The following RBMS1 variants were observed in gnomAD, a reference collection of about 807,000 sequenced individuals.
RBMS1 encodes the protein RNA binding motif single stranded interacting protein 1.
Under a neutral mutation model 62.3 loss-of-function variants are expected in RBMS1, and 17 were observed. The observed-to-expected ratio is 0.27, with a 90% confidence interval of 0.19 to 0.41. The LOEUF (loss-of-function observed/expected upper bound fraction) is 0.41, where lower values mean the gene tolerates loss of function less well. Ranked by LOEUF, RBMS1 falls within the 10% of genes least tolerant of loss-of-function variation. The pLI is 1.00. For synonymous variants in RBMS1, 172 were observed against 170.0 expected, an observed-to-expected ratio of 1.01 and a Z score of -0.09; for missense variants, 334 against 504.5, an observed-to-expected ratio of 0.66 and a Z score of 3.24.
chr2:160,355,640 C>G (rs957144579), intron 2 of RBMS1, among the ~76,000 whole-genome samples: 2 of 152,010 alleles, frequency 1.3e-5, no homozygotes. Flanking sequence ...AGATTCCCCC[C>G]ATCATGGCAT....
chr2:160,400,079 C>T (rs1695356587), intron 1 of RBMS1, among the ~76,000 whole-genome samples: 1 of 152,190 alleles, frequency 6.6e-6, no homozygotes, highest in Non-Finnish European at 1.5e-5. Context: ...TGGAGCTTTG[C>T]AGCCTCTGCA....
At chr2:160,386,170 T>C (rs1694563133) in intron 1 of RBMS1, among the ~76,000 whole-genome samples, 1 of 152,236 alleles carries the variant, frequency 6.6e-6, no homozygotes, top group South Asian at 2.1e-4. Flanking sequence ...TCAAACCAAA[T>C]ACTTTGAATT....
intron 6 of RBMS1, among the ~76,000 whole-genome samples, 190 bp from the exon 7 acceptor site, chr2:160,287,274 G>A (rs1264948613): frequency 2.6e-5 from 4 of 152,136 alleles, no homozygotes; most frequent in African/African-American, 9.7e-5. Context: ...AAACATACTA[G>A]TTATTATTTC....
chr2:160,351,175 G>A (rs1283747754), intron 2 of RBMS1, among the ~76,000 whole-genome samples: 2 of 149,984 alleles, frequency 1.3e-5, no homozygotes, highest in Admixed American at 6.7e-5. Flanking sequence ...GGGGCCTGTC[G>A]TGGGGTAGGG....
chr2:160,412,327 G>A (rs1029051319), intron 1 of RBMS1, among the ~76,000 whole-genome samples: 3 of 152,102 alleles, frequency 2.0e-5, no homozygotes, highest in African/African-American at 4.8e-5. Flanking sequence ...AACCTTTCAC[G>A]TCTCATTTAA....
intron 1 of RBMS1, among the ~76,000 whole-genome samples, chr2:160,472,653 G>C (rs564060632): frequency 6.6e-6 from 1 of 152,254 alleles, no homozygotes; most frequent in African/African-American, 2.4e-5. Context: ...AATTCACTTT[G>C]TAATTAAATA....
At chr2:160,469,217 T>C (rs1424317816) in intron 1 of RBMS1, among the ~76,000 whole-genome samples, 1 of 152,216 alleles carries the variant, frequency 6.6e-6, no homozygotes, top group Non-Finnish European at 1.5e-5. Context: ...GTCTGGCTCA[T>C]CTTTACACAT....
chr2:160,382,837 TTTAC>T (rs1406509497), intron 1 of RBMS1, among the ~76,000 whole-genome samples: 1 of 151,310 alleles, frequency 6.6e-6, no homozygotes, highest in Non-Finnish European at 1.5e-5. Flanking sequence ...ACTAACGTAG[TTTAC>T]TTAATTTTTT....
intron 2 of RBMS1, among the ~76,000 whole-genome samples, chr2:160,364,122 C>T (rs776414415): frequency 1.2e-4 from 19 of 152,276 alleles, no homozygotes; most frequent in Admixed American, 5.2e-4. Flanking sequence ...CAGATAAGCA[C>T]GGTCAAGCAG....
At position 160,323,622 on chromosome 2, in the gene RBMS1, A is replaced by AAC. The variant is rs1395150573; in HGVS notation, c.252-5396_252-5395insGT. Among the ~76,000 whole-genome samples the AAC allele has an allele frequency of 6.0e-5, 9 of 151,226 alleles. No individual in the cohort carries two copies. The East Asian group carries it at 1.2e-3, about 20-fold the overall frequency. On this transcript the variant is annotated intron_variant, in intron 2 of 13. Coordinates refer to ENST00000348849, the MANE Select transcript of RBMS1 (RefSeq NM_016836.4). ...TAGAATTTCATGAAAGAAAAAAAAAAAAAAAAAAACTGTGACTATGAAGAT... is the reference window on the plus strand; with the variant it reads ...TAGAATTTCATGAAAGAAAAAAAAAAACAAAAAAAAACTGTGACTATGAAGAT...
intron 2 of RBMS1, among the ~76,000 whole-genome samples, chr2:160,333,106 C>T (rs1385983729): frequency 1.3e-5 from 2 of 151,856 alleles, no homozygotes; most frequent in African/African-American, 4.8e-5. Context: ...CTTTGCAGAC[C>T]TCACCCCAGA....
At chr2:160,442,094 C>T (rs900832975) in intron 1 of RBMS1, among the ~76,000 whole-genome samples, 3 of 152,136 alleles carry the variant, frequency 2.0e-5, no homozygotes, top group Non-Finnish European at 2.9e-5. Flanking sequence ...CAAGTTGGAA[C>T]CTGTCTATTC....
chr2:160,279,370 A>C (rs1449006621), intron 10 of RBMS1: 2 of 152,084 alleles, frequency 1.3e-5, no homozygotes, highest in African/African-American at 4.8e-5. Context: ...GAAAAAAAAA[A>C]CAATTGCTTC....
At chr2:160,482,349 C>T (rs1685405244) in intron 1 of RBMS1, among the ~76,000 whole-genome samples, 1 of 152,210 alleles carries the variant, frequency 6.6e-6, no homozygotes, top group Non-Finnish European at 1.5e-5. Flanking sequence ...GTTATATCAT[C>T]ACCTGAGTGG....
At chr2:160,425,167 C>G (rs905984729) in intron 1 of RBMS1, among the ~76,000 whole-genome samples, 1 of 152,160 alleles carries the variant, frequency 6.6e-6, no homozygotes, top group Admixed American at 6.5e-5. Context: ...AAAAGCACTA[C>G]TATTTTTTAT....
intron 1 of RBMS1, among the ~76,000 whole-genome samples, chr2:160,431,362 T>G (rs1397426705): frequency 6.6e-6 from 1 of 151,770 alleles, no homozygotes; most frequent in African/African-American, 2.4e-5. Flanking sequence ...TATCTTTTGG[T>G]ACAAAGGTTC....
intron 2 of RBMS1, among the ~76,000 whole-genome samples, chr2:160,353,991 C>T (rs1304443644): frequency 6.6e-6 from 1 of 152,068 alleles, no homozygotes; most frequent in Non-Finnish European, 1.5e-5. Context: ...GAGAAATTTG[C>T]TCAAACAAGA....
At chr2:160,385,856 A>G (rs1436664213) in intron 1 of RBMS1, among the ~76,000 whole-genome samples, 1 of 152,166 alleles carries the variant, frequency 6.6e-6, no homozygotes, top group Non-Finnish European at 1.5e-5. Flanking sequence ...TGCGCTCACA[A>G]GAGACTCAGA....
chr2:160,361,493 T>C (rs1484082411), intron 2 of RBMS1, among the ~76,000 whole-genome samples: 2 of 152,232 alleles, frequency 1.3e-5, no homozygotes, highest in Non-Finnish European at 2.9e-5. Flanking sequence ...TCAGAGACAT[T>C]GCAGGTTTGG....
Sources: gnomAD v4.1 joint callset for allele counts (sites outside exome capture counted in the v4.1 genomes callset) on GRCh38, gnomAD v4.1.1 for gene constraint, MANE v1.5 for transcripts, NCBI Gene and HGNC (gene_info 2026-07-23, HGNC 2026-07-21) for gene names.